ARHGAP12: variants seen among roughly 807,000 people sequenced by gnomAD.
ARHGAP12 encodes rho GTPase-activating protein 12.
ARHGAP12 carries 64 observed loss-of-function variants against 108.6 expected under a neutral mutation model. The ratio of observed to expected loss-of-function variants is 0.59; its 90% CI spans 0.48 to 0.73. The LOEUF (loss-of-function observed/expected upper bound fraction) is 0.73. ARHGAP12 is among the 30% of genes least tolerant of loss of function. The probability of loss-of-function intolerance (pLI) is 0.00; values close to 1 mark genes in which losing one functional copy is unlikely to be tolerated. For synonymous variants in ARHGAP12, 312 were observed against 337.2 expected (o/e 0.93, Z 0.82); for missense variants, 940 against 1,005.9 (o/e 0.93, Z 0.89).
At chr10:31,922,067 C>T (rs1839839248) in intron 1 of ARHGAP12, among the ~76,000 whole-genome samples, 1 of 150,666 alleles carries the variant, frequency 6.6e-6, no homozygotes, top group Non-Finnish European at 1.5e-5. Flanking sequence ...TGGCATGTGC[C>T]TGTGGTCCCA....
intron 13 of ARHGAP12, among the ~76,000 whole-genome samples, chr10:31,816,367 C>A (rs1462420144): frequency 1.3e-5 from 2 of 152,094 alleles, no homozygotes. Flanking sequence ...TGCTGTACCC[C>A]CCTACCATCG....
intron 11 of ARHGAP12, among the ~76,000 whole-genome samples, chr10:31,820,959 A>G (rs529256004): frequency 2.0e-5 from 3 of 152,228 alleles, no homozygotes; most frequent in South Asian, 2.1e-4. Context: ...TAGACTACAC[A>G]TGACTATGTA....
chr10:31,921,132 A>C (rs1839787925), intron 1 of ARHGAP12, among the ~76,000 whole-genome samples: 1 of 152,066 alleles, frequency 6.6e-6, no homozygotes, highest in Non-Finnish European at 1.5e-5. Context: ...CAAAAACTAA[A>C]AAAACTAGCC....
intron 3 of ARHGAP12, 52 bp from the exon 4 acceptor site, chr10:31,861,710 G>C (rs762683782): frequency 6.9e-5 from 103 of 1,501,318 alleles, no homozygotes; most frequent in Non-Finnish European, 8.8e-5. Flanking sequence ...TAACATTTAA[G>C]TCAAAATTAA....
chr10:31,812,320 C>T (rs953996864), intron 15 of ARHGAP12, among the ~76,000 whole-genome samples: 5 of 152,114 alleles, frequency 3.3e-5, no homozygotes, highest in Middle Eastern at 3.4e-3. Flanking sequence ...CCTTAAATGA[C>T]AGCCAAGGGT....
intron 3 of ARHGAP12, among the ~76,000 whole-genome samples, chr10:31,901,553 A>T (rs1216982774): frequency 6.6e-6 from 1 of 151,752 alleles, no homozygotes; most frequent in Non-Finnish European, 1.5e-5. Flanking sequence ...AAAAAAAAAA[A>T]AAAAAGTTTG....
At chr10:31,810,837 C>T in intron 15 of ARHGAP12, 90 bp from the exon 16 acceptor site, 2 of 933,310 alleles carry the variant, frequency 2.1e-6, no homozygotes, top group South Asian at 1.4e-5. Context: ...CAGAAACATC[C>T]AGCGTAACCA....
chr10:31,809,114 A>T lies in ARHGAP12; in HGVS notation c.2143T>A (p.Leu715Met). 1.2e-6 allele frequency: 2 copies of T among 1,613,480 alleles called. No homozygotes were observed. Among genetic ancestry groups the T allele is most frequent in the Non-Finnish European group, 1.7e-6 (2 of 1,179,752 alleles). Residue 715 changes from leucine (L) to methionine (M), a missense_variant, in exon 18 of 20, where the codon TTG becomes ATG. Transcript: ENST00000344936. ...ATATCTTCCCATTTACTGTCATTCAAGTCCAATTTCTCATCTGAAAAACAG... is the reference window on the plus strand; with the variant it reads ...ATATCTTCCCATTTACTGTCATTCATGTCCAATTTCTCATCTGAAAAACAG... ...FAVNHDEKLD[L>M]NDSKWEDIHV...
chr10:31,817,750 G>A, intron 13 of ARHGAP12, 38 bp downstream of exon 13: 6 of 1,358,566 alleles, frequency 4.4e-6, no homozygotes, highest in South Asian at 1.3e-5. Context: ...AAGAAAAACA[G>A]CTCTGAAGTA....
chr10:31,885,332 G>A (rs1838152473), intron 3 of ARHGAP12, among the ~76,000 whole-genome samples: 1 of 152,164 alleles, frequency 6.6e-6, no homozygotes, highest in African/African-American at 2.4e-5. Context: ...TTAGAAAGCA[G>A]CTGTGAAGAA....
At position 31,854,066 on chromosome 10, in the gene ARHGAP12, C is replaced by T; in HGVS notation, c.1089G>A (p.Lys363=). The change falls in exon 5 of 20, where the codon AAG becomes AAA. Residue 363 remains lysine (K), a splice_region_variant and synonymous_variant. Transcript: ENST00000344936. The part of the protein sequence containing the change: ...TLYTSDYTNE[K]WLKHVDDQGR... Reference sequence around the variant, plus strand: ...ACTAGATGAGAAAAAAAGAATGTACCTTTTCATTAGTATAGTCACTGGTAT... The same window carrying T: ...ACTAGATGAGAAAAAAAGAATGTACTTTTTCATTAGTATAGTCACTGGTAT... 1 of 1,600,136 alleles carries T rather than the reference C, an allele frequency of 6.2e-7. No homozygotes were observed. The highest frequency in any genetic ancestry group is 8.5e-7 in the Non-Finnish European group (1 of 1,175,562).
In ARHGAP12 at chr10:31,820,396, A is replaced by G. The variant is rs1167224120; in HGVS notation, c.1623T>C (p.Asn541=). Residue 541 remains asparagine (N), a synonymous_variant, in exon 12 of 20, where the codon AAT becomes AAC. Coordinates refer to ENST00000344936, the MANE Select transcript of ARHGAP12 (RefSeq NM_018287.7). ...MASKDKSSKK[N]VFELKTRQGT... ...GAAAAAAATGTATTACCTCAAATAC[A>G]TTCTTTTTGCTGGATTTATCCTTTG... The G allele has an allele frequency of 2.5e-6, 4 of 1,609,694 alleles. No individual in the cohort carries two copies. The highest frequency in any genetic ancestry group is 3.4e-6 in the Non-Finnish European group (4 of 1,178,072).
intron 3 of ARHGAP12, among the ~76,000 whole-genome samples, chr10:31,878,179 C>A (rs1365838848): frequency 6.7e-6 from 1 of 149,224 alleles, no homozygotes; most frequent in Non-Finnish European, 1.5e-5. Flanking sequence ...GTAAAAGTAC[C>A]CTTCTTTTAA....
chr10:31,927,906 C>G (rs1840116490), intron 1 of ARHGAP12, among the ~76,000 whole-genome samples: 1 of 152,156 alleles, frequency 6.6e-6, no homozygotes, highest in African/African-American at 2.4e-5. Flanking sequence ...GCGGGCTGCA[C>G]GCTGGTAAAG....
chr10:31,918,745 G>C (rs1329342584), intron 1 of ARHGAP12, among the ~76,000 whole-genome samples: 1 of 152,186 alleles, frequency 6.6e-6, no homozygotes, highest in Non-Finnish European at 1.5e-5. Context: ...AAATGTTTGT[G>C]AGGATGTGGA....
At chr10:31,916,907 G>A (rs149432396) in intron 1 of ARHGAP12, among the ~76,000 whole-genome samples, 3,697 of 152,048 alleles carry the variant, frequency 0.024, 156 homozygotes, top group African/African-American at 0.083. Flanking sequence ...GAGCCACCAC[G>A]CCCAGCCGAA....
intron 3 of ARHGAP12, among the ~76,000 whole-genome samples, chr10:31,891,687 G>C (rs373802196): frequency 6.6e-6 from 1 of 152,088 alleles, no homozygotes; most frequent in African/African-American, 2.4e-5. Context: ...TTCCAACTTC[G>C]TTCCATTCTC....
intron 3 of ARHGAP12, among the ~76,000 whole-genome samples, chr10:31,881,191 T>C (rs537054850): frequency 1.4e-3 from 217 of 152,100 alleles, no homozygotes; most frequent in Non-Finnish European, 2.7e-3. Context: ...CACATCAGTT[T>C]TCCATCAGAA....
In ARHGAP12 at chr10:31,877,631, T is replaced by C. The variant is rs1253844366; in HGVS notation, c.685-15973A>G. Reference sequence around the variant, plus strand: ...ACTTTAACTAAAAAGTGAAATCGTTTTCTACAAAACAAGGTTTGATCCCAT... The same window carrying C: ...ACTTTAACTAAAAAGTGAAATCGTTCTCTACAAAACAAGGTTTGATCCCAT... On this transcript the variant is annotated intron_variant, in intron 3 of 19. Transcript: ENST00000344936. 1.1e-4 allele frequency among the ~76,000 whole-genome samples: 16 copies of C among 152,342 alleles called. No homozygotes were observed. The East Asian group carries it at 2.9e-3, about 28-fold the overall frequency.
Sources: allele counts gnomAD v4.1 joint callset (sites outside exome capture counted in the v4.1 genomes callset), GRCh38; gene constraint gnomAD v4.1.1; transcripts MANE v1.5; gene names NCBI Gene and HGNC (gene_info 2026-07-23, HGNC 2026-07-21).